Variants in DNAJC16 observed in about 807,000 individuals in gnomAD.
DNAJC16 encodes dnaJ homolog subfamily C member 16.
DNAJC16 carries 76 observed loss-of-function variants against 92.7 expected under a neutral mutation model. The ratio of observed to expected loss-of-function variants is 0.82; its 90% CI spans 0.68 to 0.99. DNAJC16 has a LOEUF of 0.99. Ranked by LOEUF, DNAJC16 falls within the 50% of genes least tolerant of loss-of-function variation. The pLI is 0.00. For synonymous variants in DNAJC16, 328 were observed against 358.7 expected (o/e 0.91, Z 0.97); for missense variants, 869 against 942.4 (o/e 0.92, Z 1.02).
chr1:15,533,652 A>C (rs74054769), intron 2 of DNAJC16, among the ~76,000 whole-genome samples: 41,510 of 151,904 alleles, frequency 0.27, 6,491 homozygotes, highest in African/African-American at 0.42. Context: ...AACAAAAAAA[A>C]CAGTGGCCTT....
Position 15,538,290 on chromosome 1 carries a change from G to A in DNAJC16, c.574+1476G>A, listed in dbSNP as rs6658572. 2.7e-3 allele frequency among the ~76,000 whole-genome samples: 418 copies of A among 152,158 alleles called. 1 individual carries two copies. Among genetic ancestry groups the A allele is most frequent in the African/African-American group, 6.2e-3 (257 of 41,490 alleles). Reference sequence around the variant, plus strand: ...GGTGCCTGTAGTCCCAGCTACTCCGGAGGCTGAGGCAGGAGAATCGCTTGA... The same window carrying A: ...GGTGCCTGTAGTCCCAGCTACTCCGAAGGCTGAGGCAGGAGAATCGCTTGA... On this transcript the variant is annotated intron_variant, in intron 4 of 14. Transcript: ENST00000375847.
chr1:15,543,431 T>TG (rs879539680), intron 4 of DNAJC16, among the ~76,000 whole-genome samples: 3 of 152,180 alleles, frequency 2.0e-5, no homozygotes, highest in Non-Finnish European at 4.4e-5. Flanking sequence ...GCAAGGACGC[T>TG]GGGGACTGGC....
chr1:15,546,724 T>G, intron 5 of DNAJC16, 43 bp from the exon 6 acceptor site: 1 of 1,473,928 alleles, frequency 6.8e-7, no homozygotes, highest in East Asian at 2.3e-5. Context: ...ATACAATTGT[T>G]AAGAATTAAA....
chr1:15,536,343 G>A (rs551615935), intron 3 of DNAJC16, 132 bp from the exon 4 acceptor site: 250 of 706,126 alleles, frequency 3.5e-4, no homozygotes, highest in Middle Eastern at 1.2e-3. Context: ...GCCTCCCAAA[G>A]TGCTGGGATT....
At chr1:15,554,688 A>G (rs1277048878) in intron 7 of DNAJC16, among the ~76,000 whole-genome samples, 4 of 152,236 alleles carry the variant, frequency 2.6e-5, no homozygotes, top group African/African-American at 7.2e-5. Flanking sequence ...AATTCTGTCA[A>G]CTTCCATCAA....
At chr1:15,547,909 A>C (rs1638348868) in intron 6 of DNAJC16, among the ~76,000 whole-genome samples, 2 of 151,964 alleles carry the variant, frequency 1.3e-5, no homozygotes. Flanking sequence ...ACTACCTCTC[A>C]TGTCACTGTG....
At chr1:15,534,950 T>C (rs952105091) in intron 3 of DNAJC16, among the ~76,000 whole-genome samples, 1 of 152,186 alleles carries the variant, frequency 6.6e-6, no homozygotes, top group African/African-American at 2.4e-5. Context: ...AACAAATACA[T>C]TTAAACACAA....
Position 15,536,432 on chromosome 1 carries a change from A to C in DNAJC16, c.235-43A>C, listed in dbSNP as rs775012752. ...AGCTGCTTACAAAAAAGTCTTTTGG[A>C]TGAACCTTTTGTTGTTGTTTAGATT... On this transcript the variant is annotated intron_variant, in intron 3 of 14. Coordinates refer to ENST00000375847, the MANE Select transcript of DNAJC16 (RefSeq NM_015291.4). 2.7e-6 allele frequency: 4 copies of C among 1,486,452 alleles called. No homozygotes were observed. In the African/African-American group the frequency reaches 5.7e-5, roughly 21 times the overall value. 92.1% of individuals were successfully genotyped at this position (1,486,452 alleles called of 1,614,324 possible).
intron 11 of DNAJC16, chr1:15,565,596 T>G (rs1638788980): frequency 7.8e-6 from 2 of 257,654 alleles, no homozygotes; most frequent in Non-Finnish European, 1.5e-5. Flanking sequence ...AATTCCACAA[T>G]GTCAGAAAAT....
chr1:15,544,351 G>T, intron 4 of DNAJC16, 48 bp from the exon 5 acceptor site: 1 of 1,556,260 alleles, frequency 6.4e-7, no homozygotes, highest in African/African-American at 1.4e-5. Context: ...TTTTCCAGCT[G>T]CCATGGAGAC....
chr1:15,538,877 G>A (rs1003239520), intron 4 of DNAJC16, among the ~76,000 whole-genome samples: 1 of 152,084 alleles, frequency 6.6e-6, no homozygotes, highest in Admixed American at 6.6e-5. Context: ...ACGTTATTTT[G>A]CATCTTGTGG....
chr1:15,532,682 G>T (rs1234974932), intron 2 of DNAJC16, among the ~76,000 whole-genome samples: 6 of 148,376 alleles, frequency 4.0e-5, no homozygotes, highest in African/African-American at 1.5e-4. Flanking sequence ...TGGTTGATGG[G>T]TTGGTTTTGT....
At chr1:15,536,416 C>CA (rs1710785839) in intron 3 of DNAJC16, 59 bp from the exon 4 acceptor site, 2 of 1,408,828 alleles carry the variant, frequency 1.4e-6, no homozygotes, top group Non-Finnish European at 9.5e-7. Flanking sequence ...AAGCTGCTTA[C>CA]AAAAAAGTCT....
intron 7 of DNAJC16, among the ~76,000 whole-genome samples, chr1:15,549,933 C>G (rs753653347): frequency 6.6e-6 from 1 of 151,808 alleles, no homozygotes; most frequent in Non-Finnish European, 1.5e-5. Flanking sequence ...TAATCTCTTG[C>G]TGTGCCTAAT....
chr1:15,567,841 A>T lies in DNAJC16; in HGVS notation c.2013A>T (p.Leu671Phe). The T allele has an allele frequency of 6.2e-7, 1 of 1,614,112 alleles. No homozygotes were observed. The highest frequency in any genetic ancestry group is 8.5e-7 in the Non-Finnish European group (1 of 1,179,950). ...AACACAGAGAATGGCTAGAATACTTACTAGAATTTGCTCAAGATGCAGCTC... is the reference window on the plus strand; with the variant it reads ...AACACAGAGAATGGCTAGAATACTTTCTAGAATTTGCTCAAGATGCAGCTC... Reference protein sequence around the residue: ...LDKHREWLEYLLEFAQDAAPI... With the variant: ...LDKHREWLEYFLEFAQDAAPI... Residue 671 changes from leucine to phenylalanine, a missense_variant, in exon 15 of 15, where the codon TTA (leucine) becomes TTT (phenylalanine). Physicochemically the swap from Leu to Phe is conservative, Grantham distance 22. Coordinates refer to ENST00000375847, the MANE Select transcript of DNAJC16 (RefSeq NM_015291.4).
At chr1:15,552,848 A>G (rs1429110670) in intron 7 of DNAJC16, among the ~76,000 whole-genome samples, 1 of 149,744 alleles carries the variant, frequency 6.7e-6, no homozygotes, top group Non-Finnish European at 1.5e-5. Context: ...ACTCACTGCA[A>G]CCTCCGCCTC....
chr1:15,537,669 C>G (rs1247130643), intron 4 of DNAJC16, among the ~76,000 whole-genome samples: 1 of 152,076 alleles, frequency 6.6e-6, no homozygotes, highest in Non-Finnish European at 1.5e-5. Flanking sequence ...ATTTCAGTTC[C>G]CTTGCATTGT....
At chr1:15,528,782 C>T (rs1710583804) in intron 1 of DNAJC16, among the ~76,000 whole-genome samples, 2 of 152,078 alleles carry the variant, frequency 1.3e-5, no homozygotes, top group Admixed American at 6.6e-5. Flanking sequence ...TAGGTTTTCT[C>T]TCATTTATGT....
chr1:15,527,199 C>T (rs1710537538), intron 1 of DNAJC16, among the ~76,000 whole-genome samples: 3 of 152,176 alleles, frequency 2.0e-5, no homozygotes, highest in Non-Finnish European at 4.4e-5. Context: ...TCTCTGGGAG[C>T]TTCTTCCTGG....
Sources: allele counts gnomAD v4.1 joint callset (sites outside exome capture counted in the v4.1 genomes callset), GRCh38; gene constraint gnomAD v4.1.1; transcripts MANE v1.5; gene names NCBI Gene and HGNC (gene_info 2026-07-23, HGNC 2026-07-21).